Variants in KCTD2 observed in about 807,000 individuals in gnomAD.
The protein encoded by KCTD2 is potassium channel tetramerization domain containing 2.
In KCTD2, 18 loss-of-function variants were observed where a neutral mutation model predicts 27.9. The ratio of observed to expected loss-of-function variants is 0.64; its 90% confidence interval spans 0.45 to 0.96. KCTD2 has a LOEUF of 0.96. Ranked by LOEUF, KCTD2 falls within the 40% of genes least tolerant of loss-of-function variation. The pLI, the probability that KCTD2 is intolerant of heterozygous loss-of-function variation, is 0.00. For missense variants in KCTD2, 280 were observed against 348.0 expected (o/e 0.80, Z 1.56); for synonymous variants, 175 against 148.4 (o/e 1.18, Z -1.30).
At position 75,049,340 on chromosome 17, in the gene KCTD2, G is replaced by A; in HGVS notation, c.448+12G>A. On this transcript the variant is annotated intron_variant, in intron 2 of 5. Transcript: ENST00000322444. ...GTTGGCAGAAGAAGGTAAGCGCACT[G>A]TTTGCATTGGGGATTTTCAAAATGC... is the stretch of plus-strand genomic sequence containing the variant. 2 of 1,444,158 alleles carry A rather than the reference G, an allele frequency of 1.4e-6. No homozygotes were observed. Among genetic ancestry groups the A allele is most frequent in the South Asian group, 2.3e-5 (2 of 85,430 alleles). The allele number at this position is 1,444,158 out of a possible 1,614,324, so 89.5% of individuals were successfully genotyped here.
chr17:75,033,919 A>G (rs2040088082), intron 1 of KCTD2: 2 of 152,298 alleles, frequency 1.3e-5, no homozygotes, highest in South Asian at 4.1e-4. Context: ...CCAGTGGCCT[A>G]ATGGATAAGG....
chr17:75,044,914 T>C (rs759078271), upstream of KCTD2, among the ~76,000 whole-genome samples: 5 of 152,182 alleles, frequency 3.3e-5, no homozygotes, highest in Non-Finnish European at 5.9e-5. Context: ...TTTCCTGTTG[T>C]GGAGGGGAGG....
intron 3 of KCTD2, among the ~76,000 whole-genome samples, chr17:75,054,576 C>T (rs1209684890): frequency 1.3e-5 from 2 of 151,916 alleles, no homozygotes; most frequent in African/African-American, 2.4e-5. Flanking sequence ...GAGGCCGAGA[C>T]GGGCAGATCA....
At chr17:75,044,178 C>A (rs1168357116), upstream of KCTD2, among the ~76,000 whole-genome samples, 2 of 147,014 alleles carry the variant, frequency 1.4e-5, no homozygotes, top group Non-Finnish European at 3.0e-5. Context: ...GCACCCACCA[C>A]CACACCCAGC....
intron 2 of KCTD2, among the ~76,000 whole-genome samples, chr17:75,051,636 C>T (rs1179924375): frequency 6.6e-6 from 1 of 151,692 alleles, no homozygotes; most frequent in Admixed American, 6.6e-5. Flanking sequence ...ATTTCCCCCT[C>T]CCTACCCCCA....
At chr17:75,061,863 C>CGT (rs1555642278) in intron 4 of KCTD2, among the ~76,000 whole-genome samples, 1 of 151,166 alleles carries the variant, frequency 6.6e-6, no homozygotes, top group Non-Finnish European at 1.5e-5. Flanking sequence ...CTGCCGCTGA[C>CGT]GGGGGGGGAC....
chr17:75,063,207 C>A lies in KCTD2; in HGVS notation c.*160C>A. ...CTGGTCAAAACTAAAGGAACTCCCT[C>A]CCCACCTGCAGGACTCCGAAGACAG... On this transcript the variant is annotated 3_prime_UTR_variant, in exon 6 of 6. Transcript: ENST00000322444. 1 of 699,374 alleles carries A rather than the reference C, an allele frequency of 1.4e-6. No individual in the cohort carries two copies. The allele number at this position is 699,374 out of a possible 1,614,324, so 43.3% of individuals were successfully genotyped here.
rs377550721 is a variant in KCTD2, at chr17:75,059,611, T to C, written c.636+6T>C. ...ACGGCTGGAAATTCGAACAGGTACA[T>C]CTCTTAACAGAGCAGCAATCCCAGG... On this transcript the variant is annotated splice_donor_region_variant and intron_variant, in intron 4 of 5. Transcript: ENST00000322444. 6 of 1,610,226 alleles carry C rather than the reference T, an allele frequency of 3.7e-6. No homozygotes were observed. Among genetic ancestry groups the C allele is most frequent in the African/African-American group, 1.3e-5 (1 of 74,928 alleles).
intron 4 of KCTD2, among the ~76,000 whole-genome samples, chr17:75,059,852 G>A (rs920648414): frequency 6.6e-6 from 1 of 152,230 alleles, no homozygotes; most frequent in South Asian, 2.1e-4. Flanking sequence ...GAGCCAACGA[G>A]CAGTTTAGGC....
At chr17:75,053,194 G>A (rs976450315) in intron 3 of KCTD2, 89 bp downstream of exon 3, 20 of 988,978 alleles carry the variant, frequency 2.0e-5, no homozygotes, top group African/African-American at 1.9e-4. Context: ...TTTACCCTTA[G>A]AGCTGGAGGT....
intron 4 of KCTD2, among the ~76,000 whole-genome samples, chr17:75,060,074 G>A (rs770310383): frequency 6.6e-6 from 1 of 152,084 alleles, no homozygotes; most frequent in Non-Finnish European, 1.5e-5. Context: ...TGGTGCGGCC[G>A]TTTCCCCTAC....
At chr17:75,052,765 G>A (rs192627026) in intron 2 of KCTD2, among the ~76,000 whole-genome samples, 1 of 152,308 alleles carries the variant, frequency 6.6e-6, no homozygotes, top group East Asian at 1.9e-4. Flanking sequence ...GTGGTGGTAT[G>A]TGCCTGTAGT....
intron 2 of KCTD2, among the ~76,000 whole-genome samples, chr17:75,034,479 G>A (rs1413201762): frequency 6.6e-6 from 1 of 152,180 alleles, no homozygotes; most frequent in Non-Finnish European, 1.5e-5. Flanking sequence ...GGAGGCCAGT[G>A]CCTTATCCAT....
chr17:75,033,390 G>C (rs1372024256), intron 1 of KCTD2, among the ~76,000 whole-genome samples: 8 of 151,802 alleles, frequency 5.3e-5, no homozygotes, highest in African/African-American at 1.9e-4. Context: ...ATCTATACTT[G>C]TAGTATCTAG....
intron 3 of KCTD2, among the ~76,000 whole-genome samples, chr17:75,057,549 ATACCTCTTTTTTTTTTTT>A (rs2073361713): frequency 6.8e-6 from 1 of 148,034 alleles, no homozygotes; most frequent in Admixed American, 6.7e-5. Context: ...AATGATAGCT[ATACCTCTTTTTTTTTTTT>A]TTTTTTCCTC....
chr17:75,045,303 C>T (rs552531606), upstream of KCTD2, among the ~76,000 whole-genome samples: 3 of 152,106 alleles, frequency 2.0e-5, no homozygotes, highest in Non-Finnish European at 2.9e-5. Context: ...AGGACCAGAG[C>T]GAAATTAAAA....
chr17:75,054,425 A>G (rs150489476), intron 3 of KCTD2, among the ~76,000 whole-genome samples: 24 of 152,254 alleles, frequency 1.6e-4, no homozygotes, highest in Admixed American at 5.9e-4. Context: ...GCCATTCGTC[A>G]TATGTTTGTC....
At chr17:75,061,866 G>T (rs138589205) in intron 4 of KCTD2, among the ~76,000 whole-genome samples, 17 of 152,194 alleles carry the variant, frequency 1.1e-4, no homozygotes, top group East Asian at 7.7e-4. Context: ...CCGCTGACGG[G>T]GGGGGACTTC....
chr17:75,052,306 G>T (rs369681620), intron 2 of KCTD2, among the ~76,000 whole-genome samples: 2 of 152,206 alleles, frequency 1.3e-5, no homozygotes, highest in Admixed American at 1.3e-4. Context: ...CAGTTTTTAG[G>T]CCAGGAGCTG....
Sources: allele counts gnomAD v4.1 joint callset (sites outside exome capture counted in the v4.1 genomes callset), GRCh38; gene constraint gnomAD v4.1.1; transcripts MANE v1.5; gene names NCBI Gene and HGNC (gene_info 2026-07-23, HGNC 2026-07-21).